HERC4: variants seen among roughly 807,000 people sequenced by gnomAD.
HERC4 encodes the protein probable E3 ubiquitin-protein ligase HERC4.
In HERC4, 28 loss-of-function variants were observed where a neutral mutation model predicts 124.3. The ratio of observed to expected loss-of-function variants is 0.23; its 90% confidence interval spans 0.17 to 0.31. HERC4 has a LOEUF of 0.31. Ranked by LOEUF, HERC4 falls within the 10% of genes least tolerant of loss-of-function variation. The pLI, the probability that HERC4 is intolerant of heterozygous loss-of-function variation, is 1.00. For missense variants in HERC4, 713 were observed against 1,229.3 expected (o/e 0.58, Z 6.28); for synonymous variants, 407 against 421.5 (o/e 0.97, Z 0.42).
At chr10:68,024,217 T>C (rs921301525) in intron 8 of HERC4, among the ~76,000 whole-genome samples, 2 of 152,146 alleles carry the variant, frequency 1.3e-5, no homozygotes, top group Non-Finnish European at 2.9e-5. Context: ...AAATGTATAT[T>C]CAAATTATGA....
At chr10:68,041,358 TA>T (rs2039759013) in intron 4 of HERC4, among the ~76,000 whole-genome samples, 1 of 152,286 alleles carries the variant, frequency 6.6e-6, no homozygotes, top group South Asian at 2.1e-4. Context: ...ATGAAAAATT[TA>T]GACTAAAAAC....
chr10:67,950,882 A>G (rs1426390864), intron 19 of HERC4, among the ~76,000 whole-genome samples: 1 of 152,208 alleles, frequency 6.6e-6, no homozygotes, highest in Non-Finnish European at 1.5e-5. Flanking sequence ...CCAGAGCTTG[A>G]TTTCTAAATA....
chr10:67,937,150 A>T (rs1454898962), intron 21 of HERC4, among the ~76,000 whole-genome samples: 2 of 152,184 alleles, frequency 1.3e-5, no homozygotes, highest in African/African-American at 2.4e-5. Context: ...ATTGAACAAA[A>T]AATTAGATAT....
intron 4 of HERC4, among the ~76,000 whole-genome samples, chr10:68,040,986 A>C (rs1010025472): frequency 6.6e-6 from 1 of 152,090 alleles, no homozygotes; most frequent in Admixed American, 6.6e-5. Flanking sequence ...ATTGGAGATA[A>C]GATTTATATA....
At chr10:67,923,214 C>T (rs1036938487) in intron 24 of HERC4, 75 bp from the exon 25 acceptor site, 5 of 1,094,824 alleles carry the variant, frequency 4.6e-6, no homozygotes, top group Admixed American at 3.8e-5. Flanking sequence ...TTGGTACAGT[C>T]GCTACAGCAG....
intron 16 of HERC4, among the ~76,000 whole-genome samples, chr10:67,962,157 T>A (rs1313509818): frequency 6.6e-6 from 1 of 151,880 alleles, no homozygotes; most frequent in Non-Finnish European, 1.5e-5. Context: ...ACAGCCTTCA[T>A]ATCACCAATA....
intron 3 of HERC4, among the ~76,000 whole-genome samples, chr10:68,054,986 G>T (rs1002090696): frequency 6.6e-6 from 1 of 151,884 alleles, no homozygotes; most frequent in South Asian, 2.1e-4. Context: ...GCAGTGGCAC[G>T]ATCTCGGCTC....
chr10:68,044,321 G>A (rs2039913344), intron 4 of HERC4, 83 bp downstream of exon 4: 4 of 1,332,134 alleles, frequency 3.0e-6, no homozygotes, highest in Non-Finnish European at 4.1e-6. Context: ...ACTCTTACAG[G>A]CCCAAAGATA....
chr10:67,923,237 AC>A, intron 24 of HERC4, 98 bp from the exon 25 acceptor site: 1 of 859,332 alleles, frequency 1.2e-6, no homozygotes, highest in Non-Finnish European at 1.9e-6. Context: ...CTTCACTTTA[AC>A]ATCTGCTCTA....
At chr10:67,954,806 A>T in intron 18 of HERC4, 68 bp from the exon 19 acceptor site, 2 of 1,443,254 alleles carry the variant, frequency 1.4e-6, no homozygotes, top group Non-Finnish European at 1.9e-6. Flanking sequence ...GAGACCCTAG[A>T]ACATGTTATT....
intron 16 of HERC4, among the ~76,000 whole-genome samples, chr10:67,964,047 TTTTC>T (rs577580970): frequency 3.2e-4 from 49 of 152,060 alleles, no homozygotes; most frequent in Non-Finnish European, 4.4e-4. Flanking sequence ...AGGTCAATTA[TTTTC>T]TTTCTTAAAA....
chr10:68,071,486 G>A (rs11599081), intron 3 of HERC4, among the ~76,000 whole-genome samples: 15,700 of 152,156 alleles, frequency 0.1, 898 homozygotes, highest in South Asian at 0.15. Context: ...TTATTTCTAT[G>A]GGGCATGCTA....
chr10:68,013,911 T>C, intron 9 of HERC4, 115 bp downstream of exon 9: 2 of 881,958 alleles, frequency 2.3e-6, no homozygotes, highest in Non-Finnish European at 3.5e-6. Flanking sequence ...TATTTTGCTG[T>C]TTTCACTTAA....
In HERC4 at chr10:68,036,905, T is replaced by A. The variant is rs185957490; in HGVS notation, c.463+1188A>T. 4.5e-3 allele frequency among the ~76,000 whole-genome samples: 680 copies of A among 152,230 alleles called. 4 individuals are homozygous for A. Among genetic ancestry groups the A allele is most frequent in the African/African-American group, 0.015 (638 of 41,552 alleles). Reference sequence around the variant, plus strand: ...TTTACCTTGTCTGAAATAGTACATATTTTTTTCTGCCTCAGACTACAGTTA... The same window carrying A: ...TTTACCTTGTCTGAAATAGTACATAATTTTTTCTGCCTCAGACTACAGTTA... On this transcript the variant is annotated intron_variant, in intron 5 of 24. Coordinates refer to ENST00000373700, the MANE Select transcript of HERC4 (RefSeq NM_015601.4).
intron 4 of HERC4, among the ~76,000 whole-genome samples, chr10:68,043,425 A>C (rs1480092312): frequency 6.6e-6 from 1 of 152,240 alleles, no homozygotes; most frequent in African/African-American, 2.4e-5. Context: ...AAAACTAAGT[A>C]TGAGTTAATG....
intron 7 of HERC4, among the ~76,000 whole-genome samples, chr10:68,030,118 C>T (rs766197214): frequency 4.6e-5 from 7 of 151,990 alleles, no homozygotes; most frequent in Non-Finnish European, 8.8e-5. Context: ...TTTGTTCTGG[C>T]TATTAATTTT....
At chr10:67,983,895 G>T (rs1425598453) in intron 15 of HERC4, among the ~76,000 whole-genome samples, 1 of 152,000 alleles carries the variant, frequency 6.6e-6, no homozygotes, top group African/African-American at 2.4e-5. Context: ...CCCGGGAGAC[G>T]GAGGTTGCAG....
At chr10:67,940,515 G>A (rs981433596) in intron 20 of HERC4, among the ~76,000 whole-genome samples, 22 of 151,904 alleles carry the variant, frequency 1.4e-4, no homozygotes, top group Non-Finnish European at 2.9e-4. Context: ...CGCCTCCTGG[G>A]TTCAAGCAAT....
chr10:67,983,162 C>T (rs1213276746), intron 15 of HERC4, among the ~76,000 whole-genome samples: 1 of 150,914 alleles, frequency 6.6e-6, no homozygotes, highest in African/African-American at 2.4e-5. Flanking sequence ...CAAATCAAAA[C>T]TACAGTAAGA....
Sources: gnomAD v4.1 joint callset for allele counts (sites outside exome capture counted in the v4.1 genomes callset) on GRCh38, gnomAD v4.1.1 for gene constraint, MANE v1.5 for transcripts, NCBI Gene and HGNC (gene_info 2026-07-23, HGNC 2026-07-21) for gene names.